Variants in PSPC1 observed in about 807,000 individuals in gnomAD.
PSPC1 encodes the protein paraspeckle component 1.
A neutral mutation model predicts 51.6 loss-of-function variants in PSPC1; 14 were observed. The observed-to-expected ratio is 0.27, with a 90% CI of 0.18 to 0.42. The LOEUF (loss-of-function observed/expected upper bound fraction) is 0.42. Ranked by LOEUF, PSPC1 falls within the 10% of genes least tolerant of loss-of-function variation. PSPC1 has a pLI of 1.00. For missense variants in PSPC1, 406 were observed against 701.1 expected, an observed-to-expected ratio of 0.58 and a Z score of 4.75; for synonymous variants, 193 against 231.9, an observed-to-expected ratio of 0.83 and a Z score of 1.53.
intron 2 of PSPC1, 90 bp from the exon 3 acceptor site, chr13:19,759,508 T>C (rs1379700402): frequency 3.4e-6 from 3 of 885,838 alleles, no homozygotes; most frequent in South Asian, 3.4e-5. Flanking sequence ...AATAAAGATA[T>C]ATACTTAGAA....
chr13:19,681,119 A>T (rs1226438276), intron 6 of PSPC1, among the ~76,000 whole-genome samples: 1 of 152,096 alleles, frequency 6.6e-6, no homozygotes, highest in Non-Finnish European at 1.5e-5. Flanking sequence ...GGAGGCTGAG[A>T]TGGGAGAATC....
intron 6 of PSPC1, among the ~76,000 whole-genome samples, chr13:19,692,198 G>A (rs981209431): frequency 4.6e-5 from 7 of 151,970 alleles, no homozygotes; most frequent in South Asian, 2.1e-4. Flanking sequence ...ATCTCAGCTC[G>A]CTGCAACCTC....
chr13:19,693,438 G>A (rs920686008), intron 6 of PSPC1, among the ~76,000 whole-genome samples: 3 of 152,148 alleles, frequency 2.0e-5, no homozygotes, highest in Non-Finnish European at 4.4e-5. Flanking sequence ...CACTGTGTCT[G>A]TTCTACAGTT....
intron 5 of PSPC1, among the ~76,000 whole-genome samples, chr13:19,740,878 C>CTT (rs546583892): frequency 2.1e-4 from 30 of 143,840 alleles, no homozygotes; most frequent in African/African-American, 4.8e-4. Flanking sequence ...TTCCAGAAAT[C>CTT]TTTTTTTTTT....
chr13:19,680,194 T>C (rs1413159394), intron 6 of PSPC1, among the ~76,000 whole-genome samples: 1 of 152,148 alleles, frequency 6.6e-6, no homozygotes, highest in Non-Finnish European at 1.5e-5. Flanking sequence ...TTTGTATTTT[T>C]AGTAGAGATA....
intron 6 of PSPC1, among the ~76,000 whole-genome samples, chr13:19,681,230 T>G (rs1037568057): frequency 3.3e-5 from 5 of 151,958 alleles, no homozygotes; most frequent in African/African-American, 4.8e-5. Flanking sequence ...AAGAATAAAA[T>G]AAAATGTAAA....
chr13:19,708,286 G>C (rs1253534775), intron 7 of PSPC1, among the ~76,000 whole-genome samples: 1 of 152,164 alleles, frequency 6.6e-6, no homozygotes, highest in Non-Finnish European at 1.5e-5. Context: ...ACTTGATTTT[G>C]TAAATGGGTG....
chr13:19,781,551 G>A (rs1889970476), intron 1 of PSPC1, among the ~76,000 whole-genome samples: 1 of 152,100 alleles, frequency 6.6e-6, no homozygotes, highest in African/African-American at 2.4e-5. Flanking sequence ...AACTCTCCAG[G>A]ATGTTTGGTA....
intron 6 of PSPC1, among the ~76,000 whole-genome samples, chr13:19,719,521 T>C (rs1447801756): frequency 6.6e-6 from 1 of 152,120 alleles, no homozygotes; most frequent in Non-Finnish European, 1.5e-5. Context: ...AAAGTAGTTG[T>C]TACTTGTTAA....
At chr13:19,773,020 G>A (rs1176388774) in intron 1 of PSPC1, among the ~76,000 whole-genome samples, 1 of 151,786 alleles carries the variant, frequency 6.6e-6, no homozygotes, top group African/African-American at 2.4e-5. Context: ...AAATTAGCTG[G>A]GCGTGGTGGC....
chr13:19,706,649 G>A (rs531670782), intron 7 of PSPC1, among the ~76,000 whole-genome samples: 6 of 151,880 alleles, frequency 4.0e-5, no homozygotes, highest in African/African-American at 1.2e-4. Context: ...GATGATCTCA[G>A]ATACAACACA....
chr13:19,703,654 ATAT>A (rs758063129), intron 8 of PSPC1, among the ~76,000 whole-genome samples: 92 of 152,336 alleles, frequency 6.0e-4, no homozygotes, highest in Admixed American at 2.2e-3. Flanking sequence ...AGCCTAAACA[ATAT>A]TATAATAAAT....
At position 19,713,906 on chromosome 13, in the gene PSPC1, T is replaced by A. The variant is rs1480826968; in HGVS notation, c.1159-4307A>T. Among the ~76,000 whole-genome samples, 214 of 152,344 alleles carry A rather than the reference T, an allele frequency of 1.4e-3. 2 individuals are homozygous for A. The highest frequency in any genetic ancestry group is 4.9e-3 in the African/African-American group (205 of 41,570). ...TAGTTATAGTACTATCATCAGACTTTTCTCTGTATCAACATTCACTACATT... is the reference window on the plus strand; with the variant it reads ...TAGTTATAGTACTATCATCAGACTTATCTCTGTATCAACATTCACTACATT... On this transcript the variant is annotated intron_variant, in intron 6 of 8. Transcript: ENST00000338910.
intron 5 of PSPC1, chr13:19,737,010 T>G (rs1471086259): frequency 1.3e-5 from 2 of 152,146 alleles, no homozygotes; most frequent in Non-Finnish European, 2.9e-5. Flanking sequence ...GAGGCTGGAG[T>G]GCAGTGGCTA....
chr13:19,672,860 A>G (rs1876214437), downstream of PSPC1: 3 of 339,922 alleles, frequency 8.8e-6, no homozygotes, highest in South Asian at 7.3e-5. Context: ...AGCGCTTTGG[A>G]GGCTGAGGTT....
intron 4 of PSPC1, among the ~76,000 whole-genome samples, chr13:19,749,637 C>T (rs76104400): frequency 7.2e-6 from 1 of 138,320 alleles, no homozygotes; most frequent in African/African-American, 2.7e-5. Context: ...GACAGTTTAT[C>T]TTTTTTTTTT....
chr13:19,701,672 C>A (rs1879922313), downstream of PSPC1, among the ~76,000 whole-genome samples: 2 of 152,102 alleles, frequency 1.3e-5, no homozygotes, highest in Admixed American at 1.3e-4. Context: ...TGCTTTTATG[C>A]AAAATTTAAA....
chr13:19,706,701 G>C (rs1029146470), intron 7 of PSPC1, among the ~76,000 whole-genome samples: 1 of 151,832 alleles, frequency 6.6e-6, no homozygotes, highest in African/African-American at 2.4e-5. Flanking sequence ...CCTTTTAAGT[G>C]TTAGTACTTA....
chr13:19,742,198 C>T (rs1445674356), intron 4 of PSPC1, among the ~76,000 whole-genome samples: 1 of 150,504 alleles, frequency 6.6e-6, no homozygotes, highest in African/African-American at 2.4e-5. Context: ...CGGTGGCTCA[C>T]GCCTTATAAT....
Sources: gnomAD v4.1 joint callset for allele counts (sites outside exome capture counted in the v4.1 genomes callset) on GRCh38, gnomAD v4.1.1 for gene constraint, MANE v1.5 for transcripts, NCBI Gene and HGNC (gene_info 2026-07-23, HGNC 2026-07-21) for gene names.